MYO1B: variants seen among roughly 807,000 people sequenced by gnomAD.
MYO1B encodes unconventional myosin-Ib.
Under a neutral mutation model 159.7 loss-of-function variants are expected in MYO1B, and 72 were observed. The ratio of observed to expected loss-of-function variants is 0.45; its 90% CI spans 0.37 to 0.55. The LOEUF is 0.55. Ranked by LOEUF, MYO1B falls within the 20% of genes least tolerant of loss-of-function variation. MYO1B has a pLI of 0.00. For synonymous variants in MYO1B, 468 were observed against 473.8 expected (o/e 0.99, Z 0.16); for missense variants, 1,062 against 1,364.8 (o/e 0.78, Z 3.50).
At chr2:191,331,707 A>G (rs1294555714) in intron 4 of MYO1B, among the ~76,000 whole-genome samples, 1 of 152,190 alleles carries the variant, frequency 6.6e-6, no homozygotes, top group Non-Finnish European at 1.5e-5. Flanking sequence ...AGTAGGGGAG[A>G]TAAACAATAG....
At chr2:191,332,324 C>T (rs1691542300) in intron 4 of MYO1B, among the ~76,000 whole-genome samples, 1 of 151,970 alleles carries the variant, frequency 6.6e-6, no homozygotes, top group Non-Finnish European at 1.5e-5. Flanking sequence ...TTGACTCATA[C>T]TGGTCTTTAA....
chr2:191,293,324 C>CA (rs1331220438), intron 2 of MYO1B, among the ~76,000 whole-genome samples: 1 of 152,170 alleles, frequency 6.6e-6, no homozygotes, highest in Non-Finnish European at 1.5e-5. Flanking sequence ...CTACCAGAGT[C>CA]AAACGACATT....
chr2:191,386,691 A>G (rs1362203905), intron 16 of MYO1B, among the ~76,000 whole-genome samples: 3 of 152,166 alleles, frequency 2.0e-5, no homozygotes, highest in Admixed American at 6.5e-5. Flanking sequence ...AAACTTCTTG[A>G]TTATACATTT....
chr2:191,323,635 A>C (rs2125900963), intron 3 of MYO1B, among the ~76,000 whole-genome samples: 1 of 152,268 alleles, frequency 6.6e-6, no homozygotes, highest in South Asian at 2.1e-4. Flanking sequence ...GTGTTTTGAA[A>C]ACAAGTATGA....
At chr2:191,402,984 T>A (rs1359655707) in intron 24 of MYO1B, among the ~76,000 whole-genome samples, 1 of 152,214 alleles carries the variant, frequency 6.6e-6, no homozygotes, top group East Asian at 1.9e-4. Context: ...AAAGTTCTAG[T>A]TTGTTATCTT....
intron 30 of MYO1B, among the ~76,000 whole-genome samples, chr2:191,417,530 C>G (rs1362386266): frequency 6.6e-6 from 1 of 152,114 alleles, no homozygotes; most frequent in African/African-American, 2.4e-5. Context: ...GTATGTATCC[C>G]AGACAGCAGA....
intron 1 of MYO1B, among the ~76,000 whole-genome samples, chr2:191,274,580 CTCA>C (rs1687640047): frequency 6.6e-6 from 1 of 152,180 alleles, no homozygotes; most frequent in African/African-American, 2.4e-5. Flanking sequence ...GCCTTCTTCC[CTCA>C]TCTGCCAAAT....
At chr2:191,413,544 C>G (rs1245175254) in intron 27 of MYO1B, among the ~76,000 whole-genome samples, 1 of 152,170 alleles carries the variant, frequency 6.6e-6, no homozygotes, top group African/African-American at 2.4e-5. Flanking sequence ...TGCCCTGGAT[C>G]TGTTCTTTCC....
At chr2:191,419,253 C>T (rs1385568769) in intron 30 of MYO1B, among the ~76,000 whole-genome samples, 1 of 151,932 alleles carries the variant, frequency 6.6e-6, no homozygotes, top group East Asian at 1.9e-4. Context: ...CAGTCTTGCA[C>T]TGTTGCCCAG....
chr2:191,269,200 T>C (rs1032572945), intron 1 of MYO1B, among the ~76,000 whole-genome samples: 2 of 152,202 alleles, frequency 1.3e-5, no homozygotes, highest in African/African-American at 4.8e-5. Flanking sequence ...ACCATTCTTT[T>C]TGTCTCTATG....
At chr2:191,419,743 C>A in intron 30 of MYO1B, among the ~76,000 whole-genome samples, 1 of 151,120 alleles carries the variant, frequency 6.6e-6, no homozygotes. Flanking sequence ...TAGGCCTAGG[C>A]TAATATGTTT....
chr2:191,408,834 T>A lies in MYO1B; in HGVS notation c.2632-210T>A, dbSNP rs138000296. ...AATATGAGTGTTAGCATTACTATTC[T>A]TCTTTTCTCTTAACCATTTGGTAGA... On this transcript the variant is annotated intron_variant, in intron 25 of 30. Coordinates refer to ENST00000392318, the MANE Select transcript of MYO1B (RefSeq NM_001130158.3). Among the ~76,000 whole-genome samples, 64 of 152,376 alleles carry A rather than the reference T, an allele frequency of 4.2e-4. No homozygotes were observed. In the East Asian group the frequency reaches 0.012, roughly 29 times the overall value.
chr2:191,330,520 G>C (rs371333363), intron 4 of MYO1B, among the ~76,000 whole-genome samples: 1 of 152,082 alleles, frequency 6.6e-6, no homozygotes, highest in South Asian at 2.1e-4. Flanking sequence ...GGCAAGCTTC[G>C]CATAAAAAAA....
At chr2:191,379,795 A>G (rs949479140) in intron 13 of MYO1B, among the ~76,000 whole-genome samples, 2 of 152,194 alleles carry the variant, frequency 1.3e-5, no homozygotes, top group Non-Finnish European at 2.9e-5. Flanking sequence ...TAGCAAAGCA[A>G]TTGAGACTTT....
chr2:191,311,132 G>T (rs185928512), intron 3 of MYO1B, among the ~76,000 whole-genome samples: 11 of 152,296 alleles, frequency 7.2e-5, no homozygotes, highest in Admixed American at 6.5e-4. Context: ...GAATATCCTT[G>T]TATCCTCAGT....
chr2:191,311,482 T>C (rs1422039034), intron 3 of MYO1B, among the ~76,000 whole-genome samples: 1 of 152,224 alleles, frequency 6.6e-6, no homozygotes, highest in Non-Finnish European at 1.5e-5. Context: ...GATGTTTCTT[T>C]AGGAATTGCT....
At chr2:191,307,525 A>G (rs1057026147) in intron 3 of MYO1B, among the ~76,000 whole-genome samples, 6 of 152,176 alleles carry the variant, frequency 3.9e-5, no homozygotes, top group African/African-American at 1.4e-4. Context: ...AATGCAGCCC[A>G]GTAGATCTCA....
chr2:191,375,221 T>C (rs1694621690), intron 13 of MYO1B, among the ~76,000 whole-genome samples: 1 of 152,200 alleles, frequency 6.6e-6, no homozygotes, highest in African/African-American at 2.4e-5. Context: ...CTGGATGCAA[T>C]GATTATTTCA....
At chr2:191,300,762 C>T (rs1294737288) in intron 3 of MYO1B, among the ~76,000 whole-genome samples, 1 of 149,968 alleles carries the variant, frequency 6.7e-6, no homozygotes, top group African/African-American at 2.5e-5. Context: ...CATGTCACTG[C>T]ACCTGGCTTA....
Sources: gnomAD v4.1 joint callset for allele counts (sites outside exome capture counted in the v4.1 genomes callset) on GRCh38, gnomAD v4.1.1 for gene constraint, MANE v1.5 for transcripts, NCBI Gene and HGNC (gene_info 2026-07-23, HGNC 2026-07-21) for gene names.